SEMA3A: variants seen among roughly 807,000 people sequenced by gnomAD.
SEMA3A encodes the protein semaphorin-3A.
SEMA3A carries 29 observed loss-of-function variants against 97.9 expected under a neutral mutation model. That is an observed-to-expected ratio of 0.30 (90% CI 0.22 to 0.40). The LOEUF is 0.40. Ranked by LOEUF, SEMA3A falls within the 10% of genes least tolerant of loss-of-function variation. The pLI is 1.00. For synonymous variants in SEMA3A, 321 were observed against 323.7 expected (o/e 0.99, Z 0.09); for missense variants, 763 against 951.3 (o/e 0.80, Z 2.60).
rs563821056 is a variant in SEMA3A at position 84,429,952 on chromosome 7, T to C, written c.-245-58052A>G. 7.9e-5 allele frequency among the ~76,000 whole-genome samples: 12 copies of C among 151,936 alleles called. 1 individual carries two copies. The highest frequency in any genetic ancestry group is 7.2e-4 in the Admixed American group (11 of 15,220). The stretch of plus-strand genomic sequence containing the variant: ...ATCCCACATATGCTACCTAGGAGCT[T>C]TACGCTGTTGCAAAAGTGACTTTCA... On this transcript the variant is annotated intron_variant, in intron 1 of 3. Transcript: ENST00000424555.
At chr7:84,189,327 T>C (rs928066549) in intron 1 of SEMA3A, among the ~76,000 whole-genome samples, 1 of 151,828 alleles carries the variant, frequency 6.6e-6, no homozygotes, top group Admixed American at 6.6e-5. Flanking sequence ...CTCTGTAATA[T>C]CATGACTTTG....
chr7:84,328,949 T>C (rs1178145915), intron 2 of SEMA3A, among the ~76,000 whole-genome samples: 3 of 152,022 alleles, frequency 2.0e-5, no homozygotes, highest in African/African-American at 7.2e-5. Context: ...ATTTTCAACC[T>C]GGAACTTTTT....
chr7:84,070,530 AAAAG>A (rs1434148009), intron 4 of SEMA3A, among the ~76,000 whole-genome samples: 3 of 152,168 alleles, frequency 2.0e-5, no homozygotes, highest in Non-Finnish European at 4.4e-5. Flanking sequence ...AAAGAAAAAG[AAAAG>A]AAAGGAAACC....
intron 1 of SEMA3A, among the ~76,000 whole-genome samples, chr7:84,397,071 T>C (rs1403242220): frequency 6.6e-6 from 1 of 152,026 alleles, no homozygotes; most frequent in African/African-American, 2.4e-5. Context: ...AAAATCTTGA[T>C]TTACATTTCC....
intron 1 of SEMA3A, among the ~76,000 whole-genome samples, chr7:84,475,736 T>C (rs1806265514): frequency 6.6e-6 from 1 of 152,204 alleles, no homozygotes; most frequent in African/African-American, 2.4e-5. Flanking sequence ...ATGGGTTTAC[T>C]TACAGAACTC....
chr7:84,039,549 T>C (rs138435612), intron 6 of SEMA3A, among the ~76,000 whole-genome samples: 4 of 152,200 alleles, frequency 2.6e-5, no homozygotes, highest in Non-Finnish European at 4.4e-5. Flanking sequence ...TCTATTTGAT[T>C]TGAGTATGGT....
At chr7:84,264,395 T>C (rs1441883495) in intron 3 of SEMA3A, among the ~76,000 whole-genome samples, 3 of 152,210 alleles carry the variant, frequency 2.0e-5, no homozygotes, top group Non-Finnish European at 4.4e-5. Flanking sequence ...TGCATTGGGC[T>C]TCTGGCTAAG....
intron 6 of SEMA3A, among the ~76,000 whole-genome samples, chr7:84,045,737 T>C (rs1166265209): frequency 6.6e-6 from 1 of 151,814 alleles, no homozygotes; most frequent in Non-Finnish European, 1.5e-5. Context: ...GAAAACTGGG[T>C]TTCTGTTCTA....
At chr7:84,290,996 A>G (rs1051068067) in intron 3 of SEMA3A, among the ~76,000 whole-genome samples, 1 of 152,118 alleles carries the variant, frequency 6.6e-6, no homozygotes, top group African/African-American at 2.4e-5. Context: ...CTGATTAACT[A>G]TAAACCTATG....
intron 1 of SEMA3A, among the ~76,000 whole-genome samples, chr7:84,406,184 C>A (rs1461570064): frequency 2.0e-5 from 3 of 151,948 alleles, no homozygotes; most frequent in African/African-American, 7.3e-5. Context: ...AGAGAAGTAT[C>A]AAATAGATGC....
intron 3 of SEMA3A, among the ~76,000 whole-genome samples, chr7:84,274,409 A>G (rs1800240265): frequency 6.6e-6 from 1 of 152,064 alleles, no homozygotes; most frequent in South Asian, 2.1e-4. Flanking sequence ...GAAAGAGAGT[A>G]GAGAAAAGTA....
chr7:84,398,625 A>G (rs1418488729), intron 1 of SEMA3A, among the ~76,000 whole-genome samples: 3 of 151,904 alleles, frequency 2.0e-5, no homozygotes, highest in Non-Finnish European at 2.9e-5. Context: ...CAGCATAGCA[A>G]AACTCTGTCT....
intron 3 of SEMA3A, among the ~76,000 whole-genome samples, chr7:84,201,208 C>A (rs1445651375): frequency 6.6e-6 from 1 of 152,050 alleles, no homozygotes; most frequent in Non-Finnish European, 1.5e-5. Flanking sequence ...ATTACAATCT[C>A]TATGGCCTAG....
chr7:84,031,172 T>A (rs1791736681), intron 6 of SEMA3A, among the ~76,000 whole-genome samples: 1 of 151,858 alleles, frequency 6.6e-6, no homozygotes, highest in South Asian at 2.1e-4. Flanking sequence ...TTTTGTATTC[T>A]AGTAGAGACA....
At chr7:84,009,917 A>AAAAAAAAC in intron 9 of SEMA3A, among the ~76,000 whole-genome samples, 1 of 149,428 alleles carries the variant, frequency 6.7e-6, no homozygotes, top group African/African-American at 2.5e-5. Flanking sequence ...AAAAAAAAAA[A>AAAAAAAAC]AAAAAAAAAA....
At chr7:84,110,102 A>C (rs942073583) in intron 4 of SEMA3A, among the ~76,000 whole-genome samples, 1 of 152,184 alleles carries the variant, frequency 6.6e-6, no homozygotes, top group Non-Finnish European at 1.5e-5. Context: ...GAAGAAAACA[A>C]CTGGGTGGCA....
chr7:84,012,878 T>C (rs1790940515), intron 7 of SEMA3A, among the ~76,000 whole-genome samples: 1 of 152,194 alleles, frequency 6.6e-6, no homozygotes, highest in Admixed American at 6.5e-5. Context: ...ATTTTATTTA[T>C]ATACTTTTAA....
At chr7:83,985,248 A>C (rs1269625958) in intron 13 of SEMA3A, among the ~76,000 whole-genome samples, 188 bp downstream of exon 13, 2 of 152,264 alleles carry the variant, frequency 1.3e-5, no homozygotes, top group African/African-American at 2.4e-5. Flanking sequence ...TTGATCAAAA[A>C]CATGAGGGCA....
chr7:84,339,710 G>T (rs1802117373), intron 2 of SEMA3A, among the ~76,000 whole-genome samples: 1 of 152,136 alleles, frequency 6.6e-6, no homozygotes, highest in African/African-American at 2.4e-5. Context: ...AACATTCTGA[G>T]ATTCTGCTTA....
Sources: gnomAD v4.1 joint callset for allele counts (sites outside exome capture counted in the v4.1 genomes callset) on GRCh38, gnomAD v4.1.1 for gene constraint, MANE v1.5 for transcripts, NCBI Gene and HGNC (gene_info 2026-07-23, HGNC 2026-07-21) for gene names.